VKORC1L1: variants seen among roughly 807,000 people sequenced by gnomAD.
The protein encoded by VKORC1L1 is vitamin K epoxide reductase complex subunit 1L1.
Under a neutral mutation model 18.9 loss-of-function variants are expected in VKORC1L1, and 2 were observed. The observed-to-expected ratio is 0.11, with a 90% confidence interval of 0.04 to 0.33. The LOEUF is 0.33. Among genes scored for constraint, VKORC1L1 ranks in the 10% least tolerant of loss-of-function variants. The probability of loss-of-function intolerance (pLI) is 1.00; values close to 1 mark genes in which losing one functional copy is unlikely to be tolerated. For synonymous variants in VKORC1L1, 96 were observed against 100.0 expected (o/e 0.96, Z 0.24); for missense variants, 123 against 224.1 (o/e 0.55, Z 2.88).
intron 1 of VKORC1L1, among the ~76,000 whole-genome samples, chr7:65,907,542 G>A (rs912666795): frequency 3.9e-5 from 6 of 152,174 alleles, no homozygotes; most frequent in African/African-American, 1.4e-4. Flanking sequence ...TTTGTTACTA[G>A]CTAGAAAGAG....
Position 65,873,236 on chromosome 7 carries a change from G to A in VKORC1L1, c.-136G>A. The A allele has an allele frequency of 1.0e-6, 1 of 969,580 alleles. No individual in the cohort carries two copies. Among genetic ancestry groups the A allele is most frequent in the Non-Finnish European group, 1.2e-6 (1 of 816,762 alleles). 60.1% of individuals were successfully genotyped at this position (969,580 alleles called of 1,614,324 possible). A position where few individuals can be genotyped will look rare whatever the true frequency, so the allele number is the denominator to read the frequency against. On this transcript the variant is annotated 5_prime_UTR_variant, in exon 1 of 3. Coordinates refer to ENST00000360768, the MANE Select transcript of VKORC1L1 (RefSeq NM_173517.6). Reference sequence around the variant, plus strand: ...CGGAGCAGGCCACCGAGCCAATGGGGCGCGGCGGCGGCGGCGGCGGTGGTG... The same window carrying A: ...CGGAGCAGGCCACCGAGCCAATGGGACGCGGCGGCGGCGGCGGCGGTGGTG...
At chr7:65,868,929 C>T (rs1222016445), upstream of VKORC1L1, among the ~76,000 whole-genome samples, 1 of 151,946 alleles carries the variant, frequency 6.6e-6, no homozygotes, top group Non-Finnish European at 1.5e-5. Context: ...TATAGCACTC[C>T]ACAATATTTG....
rs139640140 is a variant in VKORC1L1, at chr7:65,919,784, G to A, written c.195-28887G>A. ...AATATAAACAGTGGCCAGGCCGGGC[G>A]CGGTGGCTCATGCCTGTAATCCCAG... On this transcript the variant is annotated intron_variant, in intron 1 of 2. Coordinates refer to ENST00000360768, the MANE Select transcript of VKORC1L1 (RefSeq NM_173517.6). Among the ~76,000 whole-genome samples the A allele has an allele frequency of 7.6e-3, 1,150 of 152,232 alleles. 17 individuals carry two copies. The highest frequency in any genetic ancestry group is 0.026 in the African/African-American group (1,083 of 41,520).
chr7:65,904,225 T>C (rs1191418251), intron 1 of VKORC1L1, among the ~76,000 whole-genome samples: 1 of 152,196 alleles, frequency 6.6e-6, no homozygotes, highest in South Asian at 2.1e-4. Flanking sequence ...ATTTATTTAT[T>C]TGAGACAGAG....
intron 1 of VKORC1L1, among the ~76,000 whole-genome samples, chr7:65,909,626 A>G (rs1789466305): frequency 6.6e-6 from 1 of 151,460 alleles, no homozygotes; most frequent in African/African-American, 2.4e-5. Flanking sequence ...TGTTTCATTT[A>G]TAAGGTATTT....
intron 1 of VKORC1L1, among the ~76,000 whole-genome samples, chr7:65,945,239 C>G (rs555326645): frequency 6.6e-6 from 1 of 150,514 alleles, no homozygotes; most frequent in Non-Finnish European, 1.5e-5. Flanking sequence ...CCAGCCTGGG[C>G]GACAGAGCCA....
intron 1 of VKORC1L1, among the ~76,000 whole-genome samples, chr7:65,878,609 AAAATT>A (rs1328505356): frequency 6.6e-6 from 1 of 151,948 alleles, no homozygotes; most frequent in Non-Finnish European, 1.5e-5. Context: ...CCCCATTTTA[AAAATT>A]AAATTCTTGG....
chr7:65,902,762 A>G (rs1386697306), intron 1 of VKORC1L1, among the ~76,000 whole-genome samples: 1 of 152,186 alleles, frequency 6.6e-6, no homozygotes, highest in Non-Finnish European at 1.5e-5. Flanking sequence ...AAAAATACAC[A>G]TCATGTACAG....
At chr7:65,882,170 G>A (rs377370400) in intron 1 of VKORC1L1, among the ~76,000 whole-genome samples, 21 of 150,628 alleles carry the variant, frequency 1.4e-4, no homozygotes, top group African/African-American at 4.6e-4. Context: ...ACCTGAGGTC[G>A]GGAGTTGGAG....
intron 1 of VKORC1L1, among the ~76,000 whole-genome samples, chr7:65,939,430 A>G (rs1002203908): frequency 6.6e-6 from 1 of 152,134 alleles, no homozygotes; most frequent in Non-Finnish European, 1.5e-5. Context: ...GGCAGTGGGG[A>G]TGGCTATCAT....
At chr7:65,901,865 A>T (rs1789323512) in intron 1 of VKORC1L1, among the ~76,000 whole-genome samples, 1 of 152,162 alleles carries the variant, frequency 6.6e-6, no homozygotes, top group Admixed American at 6.5e-5. Flanking sequence ...AATTCCTGGG[A>T]CTCAACACAG....
intron 1 of VKORC1L1, among the ~76,000 whole-genome samples, chr7:65,882,777 C>T (rs2116336494): frequency 6.6e-6 from 1 of 152,274 alleles, no homozygotes; most frequent in East Asian, 1.9e-4. Context: ...ATGCATATAT[C>T]AGGATTAGTA....
chr7:65,943,514 A>G (rs573257683), intron 1 of VKORC1L1, among the ~76,000 whole-genome samples: 12 of 152,300 alleles, frequency 7.9e-5, no homozygotes, highest in African/African-American at 2.2e-4. Context: ...ACATGTACCC[A>G]TCTAAGCCTC....
chr7:65,918,602 C>T (rs961262741), intron 1 of VKORC1L1, among the ~76,000 whole-genome samples: 1 of 152,226 alleles, frequency 6.6e-6, no homozygotes, highest in Non-Finnish European at 1.5e-5. Flanking sequence ...GTCAGTAACA[C>T]ATGCACAGCA....
rs751948461 is a variant in VKORC1L1 at position 65,954,114 on chromosome 7, G to A, written c.345G>A (p.Thr115=). 46 of 1,606,756 alleles carry A rather than the reference G, an allele frequency of 2.9e-5. 1 individual carries two copies. In the South Asian group the frequency reaches 4.1e-4, roughly 14 times the overall value. ...CTGTGGCGGCTTTGATCCTCATGACGTCCTCCATCATGTCGGTCGTGGGGT... is the reference window on the plus strand; with the variant it reads ...CTGTGGCGGCTTTGATCCTCATGACATCCTCCATCATGTCGGTCGTGGGGT... ...ASAVAALILM[T]SSIMSVVGSL... Residue 115 remains threonine (T), a synonymous_variant, in exon 3 of 3, where the codon ACG becomes ACA. Transcript: ENST00000360768.
intron 1 of VKORC1L1, among the ~76,000 whole-genome samples, chr7:65,924,927 C>G (rs910596720): frequency 6.6e-6 from 1 of 152,172 alleles, no homozygotes; most frequent in Non-Finnish European, 1.5e-5. Context: ...TGGTTCTCCC[C>G]CGCTTCCAGC....
At chr7:65,884,506 T>C (rs1178384053) in intron 1 of VKORC1L1, among the ~76,000 whole-genome samples, 1 of 151,864 alleles carries the variant, frequency 6.6e-6, no homozygotes, top group South Asian at 2.1e-4. Flanking sequence ...GCATGGTAAT[T>C]CACACTGATG....
At chr7:65,921,069 G>T (rs560890369) in intron 1 of VKORC1L1, among the ~76,000 whole-genome samples, 6 of 151,942 alleles carry the variant, frequency 3.9e-5, no homozygotes, top group South Asian at 2.1e-4. Flanking sequence ...CTTTGGGGGG[G>T]GTTTAACTGG....
chr7:65,921,856 A>G (rs1375716634), intron 1 of VKORC1L1, among the ~76,000 whole-genome samples: 1 of 151,990 alleles, frequency 6.6e-6, no homozygotes, highest in Non-Finnish European at 1.5e-5. Context: ...TCAAAAAAAA[A>G]AAAAAAATTT....
Sources: gnomAD v4.1 joint callset for allele counts (sites outside exome capture counted in the v4.1 genomes callset) on GRCh38, gnomAD v4.1.1 for gene constraint, MANE v1.5 for transcripts, NCBI Gene and HGNC (gene_info 2026-07-23, HGNC 2026-07-21) for gene names.